Variants in CNTN1 observed in about 807,000 individuals in gnomAD.
The protein encoded by CNTN1 is contactin 1.
CNTN1 carries 38 observed loss-of-function variants against 126.4 expected under a neutral mutation model. The ratio of observed to expected loss-of-function variants is 0.30; its 90% CI spans 0.23 to 0.39. The LOEUF is 0.39. Ranked by LOEUF, CNTN1 falls within the 10% of genes least tolerant of loss-of-function variation. CNTN1 has a pLI of 1.00. For missense variants in CNTN1, 1,009 were observed against 1,248.4 expected (o/e 0.81, Z 2.89); for synonymous variants, 413 against 422.6 (o/e 0.98, Z 0.28).
At chr12:40,852,855 C>G (rs952820487) in intron 1 of CNTN1, among the ~76,000 whole-genome samples, 3 of 150,160 alleles carry the variant, frequency 2.0e-5, no homozygotes, top group Non-Finnish European at 4.4e-5. Flanking sequence ...TTTTAAGTCA[C>G]TCAGTTTTTT....
intron 1 of CNTN1, among the ~76,000 whole-genome samples, chr12:40,748,768 G>T (rs1938282298): frequency 6.6e-6 from 1 of 151,888 alleles, no homozygotes; most frequent in African/African-American, 2.4e-5. Flanking sequence ...TTAATGATTT[G>T]TCTATGACAG....
chr12:40,949,572 T>TC (rs1163475025), intron 14 of CNTN1, among the ~76,000 whole-genome samples: 4 of 95,232 alleles, frequency 4.2e-5, no homozygotes, highest in East Asian at 2.5e-4. Context: ...TTTCTTTCTT[T>TC]TTTTTTTTTT....
intron 1 of CNTN1, among the ~76,000 whole-genome samples, chr12:40,818,349 G>A (rs2136520922): frequency 6.6e-6 from 1 of 152,156 alleles, no homozygotes; most frequent in Non-Finnish European, 1.5e-5. Flanking sequence ...ATATTTCTTG[G>A]AGGCTTTGTT....
intron 1 of CNTN1, among the ~76,000 whole-genome samples, chr12:40,694,087 A>T (rs1167820420): frequency 2.0e-5 from 3 of 152,186 alleles, no homozygotes; most frequent in Non-Finnish European, 4.4e-5. Context: ...GGGATATTTT[A>T]TTAGACTCGG....
At chr12:40,869,454 A>G (rs1943413790) in intron 1 of CNTN1, among the ~76,000 whole-genome samples, 2 of 151,802 alleles carry the variant, frequency 1.3e-5, no homozygotes, top group South Asian at 4.2e-4. Context: ...TTTTTTGTAG[A>G]GACAAGTGTC....
rs1943056981 is a variant in CNTN1, at chr12:40,859,825, C to A, written c.-76-48532C>A. Reference sequence around the variant, plus strand: ...TGATTCAAGTTTTAATAAATTTTTACCAATGCTAATGTTTTCAATTTGGCT... The same window carrying A: ...TGATTCAAGTTTTAATAAATTTTTAACAATGCTAATGTTTTCAATTTGGCT... On this transcript the variant is annotated intron_variant, in intron 1 of 23. Coordinates refer to ENST00000551295, the MANE Select transcript of CNTN1 (RefSeq NM_001843.4). Among the ~76,000 whole-genome samples the A allele has an allele frequency of 5.3e-5, 8 of 152,112 alleles. No homozygotes were observed. The South Asian group carries it at 1.7e-3, about 31-fold the overall frequency.
rs558053396 is a variant in CNTN1 at position 40,842,465 on chromosome 12, G to C, written c.-76-65892G>C. Among the ~76,000 whole-genome samples the C allele has an allele frequency of 2.6e-5, 4 of 152,098 alleles. No homozygotes were observed. The South Asian group carries it at 8.3e-4, about 32-fold the overall frequency. On this transcript the variant is annotated intron_variant, in intron 1 of 23. Transcript: ENST00000551295. Reference sequence around the variant, plus strand: ...ATGGGTATCCCAATTATCCTGATTTGATCATCACACATTGTATATAGGCAT... The same window carrying C: ...ATGGGTATCCCAATTATCCTGATTTCATCATCACACATTGTATATAGGCAT...
chr12:40,712,045 T>C (rs1185456953), intron 1 of CNTN1, among the ~76,000 whole-genome samples: 1 of 152,170 alleles, frequency 6.6e-6, no homozygotes, highest in East Asian at 1.9e-4. Flanking sequence ...CATTCATCTA[T>C]GCTTACTTCA....
chr12:40,788,040 C>A (rs1940092076), intron 1 of CNTN1, among the ~76,000 whole-genome samples: 1 of 152,080 alleles, frequency 6.6e-6, no homozygotes, highest in Non-Finnish European at 1.5e-5. Context: ...TAAAAAAATA[C>A]TAGAATTCAA....
chr12:40,813,054 TCTTTCTTCCTTC>T (rs1378226251), intron 1 of CNTN1, among the ~76,000 whole-genome samples: 1,734 of 134,146 alleles, frequency 0.013, 43 homozygotes, highest in African/African-American at 0.043. Context: ...TTTCTTTCTT[TCTTTCTTCCTTC>T]CTTCCTTCCT....
rs147627982 is a variant in CNTN1 at position 40,702,475 on chromosome 12, G to A, written c.-77+9883G>A. 1.8e-3 allele frequency among the ~76,000 whole-genome samples: 268 copies of A among 151,948 alleles called. 2 individuals are homozygous for A. In the East Asian group the frequency reaches 0.021, roughly 12 times the overall value. On this transcript the variant is annotated intron_variant, in intron 1 of 23. Transcript: ENST00000551295. ...TTTTTTCTCTTTGAGACAGCGTTTC[G>A]CTCTTGTTGCCCAGGCTGGAGTGCA...
chr12:40,822,876 T>C (rs1259758287), intron 1 of CNTN1, among the ~76,000 whole-genome samples: 2 of 152,150 alleles, frequency 1.3e-5, no homozygotes, highest in Admixed American at 1.3e-4. Flanking sequence ...ACCTAACAGG[T>C]AGTTTTTCTG....
chr12:41,065,150 G>A (rs552564800), intron 23 of CNTN1, among the ~76,000 whole-genome samples: 184 of 152,270 alleles, frequency 1.2e-3, no homozygotes, highest in African/African-American at 4.2e-3. Context: ...CTGCCTCCCG[G>A]GTTCACGCCA....
At chr12:40,803,810 G>A (rs1940740752) in intron 1 of CNTN1, among the ~76,000 whole-genome samples, 1 of 151,798 alleles carries the variant, frequency 6.6e-6, no homozygotes. Flanking sequence ...TACAGGAAGG[G>A]AGGAGAGGAG....
intron 1 of CNTN1, among the ~76,000 whole-genome samples, chr12:40,907,137 T>A (rs546568544): frequency 2.0e-5 from 3 of 152,326 alleles, no homozygotes; most frequent in Admixed American, 2.0e-4. Flanking sequence ...GCCATATCAT[T>A]CTTAAGGTGA....
intron 1 of CNTN1, among the ~76,000 whole-genome samples, chr12:40,871,197 A>C (rs112963265): frequency 2.4e-5 from 1 of 41,974 alleles, no homozygotes; most frequent in Non-Finnish European, 4.8e-5. Flanking sequence ...AAAAAAAAAA[A>C]AAAAAAAAAA....
chr12:41,056,324 C>T (rs887160358), intron 23 of CNTN1, among the ~76,000 whole-genome samples: 7 of 152,098 alleles, frequency 4.6e-5, no homozygotes, highest in African/African-American at 1.7e-4. Context: ...GTTTATGTAA[C>T]TTGTCCAAAG....
intron 12 of CNTN1, among the ~76,000 whole-genome samples, chr12:40,942,806 T>A (rs372365474): frequency 2.0e-5 from 3 of 152,138 alleles, no homozygotes; most frequent in East Asian, 3.8e-4. Flanking sequence ...TGGACTATAA[T>A]GTTAGCGGAA....
chr12:40,966,131 T>C (rs1332149292), intron 15 of CNTN1, among the ~76,000 whole-genome samples: 1 of 151,886 alleles, frequency 6.6e-6, no homozygotes, highest in Non-Finnish European at 1.5e-5. Flanking sequence ...AAGAGAATGG[T>C]TGAGGTAGTT....
Sources: allele counts gnomAD v4.1 joint callset (sites outside exome capture counted in the v4.1 genomes callset), GRCh38; gene constraint gnomAD v4.1.1; transcripts MANE v1.5; gene names NCBI Gene and HGNC (gene_info 2026-07-23, HGNC 2026-07-21).